Variants in KATNAL1 observed in about 807,000 individuals in gnomAD.
KATNAL1 encodes katanin catalytic subunit A1 like 1.
KATNAL1 carries 32 observed loss-of-function variants against 55.2 expected under a neutral mutation model. The ratio of observed to expected loss-of-function variants is 0.58; its 90% CI spans 0.44 to 0.78. KATNAL1 has a LOEUF of 0.78. Among genes scored for constraint, KATNAL1 ranks in the 30% least tolerant of loss-of-function variants. The pLI, the probability that KATNAL1 is intolerant of heterozygous loss-of-function variation, is 0.00. For synonymous variants in KATNAL1, 193 were observed against 193.6 expected (o/e 1.00, Z 0.02); for missense variants, 466 against 600.9 (o/e 0.78, Z 2.35).
intron 3 of KATNAL1, among the ~76,000 whole-genome samples, chr13:30,257,584 C>T (rs1352161383): frequency 6.6e-6 from 1 of 152,176 alleles, no homozygotes; most frequent in Non-Finnish European, 1.5e-5. Context: ...GCTTTCCCCA[C>T]CTCAGCTTGC....
chr13:30,262,040 A>C (rs1292860880), intron 3 of KATNAL1, among the ~76,000 whole-genome samples: 1 of 152,178 alleles, frequency 6.6e-6, no homozygotes, highest in Non-Finnish European at 1.5e-5. Context: ...AGTGCAATCA[A>C]ACTAGAACTC....
chr13:30,239,254 A>G (rs1566099990), intron 6 of KATNAL1, among the ~76,000 whole-genome samples: 1 of 152,132 alleles, frequency 6.6e-6, no homozygotes, highest in Admixed American at 6.5e-5. Flanking sequence ...TACCAAAAAT[A>G]CAAAAATTAG....
chr13:30,256,796 C>G (rs975319010), intron 3 of KATNAL1, among the ~76,000 whole-genome samples: 1 of 152,090 alleles, frequency 6.6e-6, no homozygotes, highest in Non-Finnish European at 1.5e-5. Flanking sequence ...TCTAGAAGGC[C>G]GGCAAAAACC....
rs1190325272 is a variant in KATNAL1 at position 30,206,603 on chromosome 13, T to A, written c.*1937A>T. On this transcript the variant is annotated 3_prime_UTR_variant, in exon 11 of 11. Coordinates refer to ENST00000380615, the MANE Select transcript of KATNAL1 (RefSeq NM_032116.5). ...ATACAAAACCCAGAAAAGGTCTAAC[T>A]AATCAACTATTGTTAGGCTGGTGCA... 6.6e-6 allele frequency: 1 copy of A among 152,076 alleles called. No individual in the cohort carries two copies. Among genetic ancestry groups the A allele is most frequent in the African/African-American group, 2.4e-5 (1 of 41,446 alleles). The allele number at this position is 152,076 out of a possible 1,614,324, so 9.4% of individuals were successfully genotyped here. A position where few individuals can be genotyped will look rare whatever the true frequency, so the allele number is the denominator to read the frequency against.
In KATNAL1 at chr13:30,283,762, T is replaced by C. The variant is rs1163985113; in HGVS notation, c.16A>G (p.Ile6Val). The change falls in exon 2 of 11, where the codon ATT becomes GTT. Residue 6 changes from isoleucine (I) to valine (V), a missense_variant. Ile to Val is a conservative substitution (Grantham distance 29). Coordinates refer to ENST00000380615, the MANE Select transcript of KATNAL1 (RefSeq NM_032116.5). The part of the protein sequence containing the change: MNLAE[I>V]CDNAKKGREY... ...CTTCCTTTCTTTGCATTATCACAAATCTCAGCCAAATTCATCTTCTTTCAG... is the reference window on the plus strand; with the variant it reads ...CTTCCTTTCTTTGCATTATCACAAACCTCAGCCAAATTCATCTTCTTTCAG... 6.2e-7 allele frequency: 1 copy of C among 1,609,116 alleles called. No individual in the cohort carries two copies. Among genetic ancestry groups the C allele is most frequent in the Non-Finnish European group, 8.5e-7 (1 of 1,177,418 alleles).
intron 2 of KATNAL1, among the ~76,000 whole-genome samples, chr13:30,283,077 G>C (rs1479533874): frequency 6.6e-6 from 1 of 151,554 alleles, no homozygotes. Flanking sequence ...AGACCAGCCT[G>C]GCCAACATGG....
intron 4 of KATNAL1, among the ~76,000 whole-genome samples, chr13:30,252,243 G>A (rs1318909337): frequency 2.0e-5 from 3 of 152,158 alleles, no homozygotes; most frequent in African/African-American, 7.2e-5. Context: ...ACCAATAAAT[G>A]TAAAAAGCTT....
chr13:30,261,380 A>G (rs1436262796), intron 3 of KATNAL1, among the ~76,000 whole-genome samples: 3 of 152,190 alleles, frequency 2.0e-5, no homozygotes, highest in Non-Finnish European at 4.4e-5. Flanking sequence ...ATTAACTTTC[A>G]ATGTAAATGG....
chr13:30,254,289 AT>A (rs1878599674), intron 4 of KATNAL1, among the ~76,000 whole-genome samples: 1 of 152,218 alleles, frequency 6.6e-6, no homozygotes, highest in African/African-American at 2.4e-5. Flanking sequence ...GAGGGAACAA[AT>A]TTTAAAAGTT....
Position 30,206,542 on chromosome 13 carries a change from T to G in KATNAL1, c.*1998A>C, listed in dbSNP as rs1170444672. On this transcript the variant is annotated 3_prime_UTR_variant, in exon 11 of 11. Transcript: ENST00000380615. ...TTACTATGTCATTATCCATGAAGAA[T>G]TCAGAAAAATAATTAAATGCACACC... 1.3e-5 allele frequency: 2 copies of G among 151,984 alleles called. No homozygotes were observed. The highest frequency in any genetic ancestry group is 4.8e-5 in the African/African-American group (2 of 41,392). The allele number at this position is 151,984 out of a possible 1,614,324, so 9.4% of individuals were successfully genotyped here.
intron 3 of KATNAL1, among the ~76,000 whole-genome samples, chr13:30,258,920 T>G (rs1879008125): frequency 6.6e-6 from 1 of 152,252 alleles, no homozygotes; most frequent in African/African-American, 2.4e-5. Flanking sequence ...ACTTTAGAAT[T>G]TTTTAATTAT....
At chr13:30,259,667 T>A (rs77750708) in intron 3 of KATNAL1, among the ~76,000 whole-genome samples, 1 of 152,084 alleles carries the variant, frequency 6.6e-6, no homozygotes, top group African/African-American at 2.4e-5. Flanking sequence ...TTTCTGACGG[T>A]CTTAAAAAAC....
intron 6 of KATNAL1, 105 bp downstream of exon 6, chr13:30,240,355 A>C: frequency 1.3e-6 from 1 of 767,638 alleles, no homozygotes; most frequent in African/African-American, 1.7e-5. Flanking sequence ...ACTTCTCCCA[A>C]CCTTTTCAAA....
chr13:30,251,071 G>C (rs564229362), intron 4 of KATNAL1, among the ~76,000 whole-genome samples: 18 of 147,364 alleles, frequency 1.2e-4, no homozygotes, highest in African/African-American at 4.3e-4. Context: ...CCAGGAGGCA[G>C]AGCTTGCAGC....
At chr13:30,248,634 G>C (rs1315856816) in intron 4 of KATNAL1, among the ~76,000 whole-genome samples, 16 of 152,190 alleles carry the variant, frequency 1.1e-4, no homozygotes, top group Admixed American at 1.0e-3. Context: ...ACCTAAAAAA[G>C]ACTGACAACG....
chr13:30,283,518 T>C (rs1881560483), intron 2 of KATNAL1, 98 bp downstream of exon 2: 2 of 1,057,996 alleles, frequency 1.9e-6, no homozygotes, highest in South Asian at 2.0e-5. Flanking sequence ...AGGCACTATT[T>C]CCATCTCAAA....
Position 30,204,412 on chromosome 13 carries a change from C to G in KATNAL1, c.*4128G>C, listed in dbSNP as rs1872925378. 1 of 147,634 alleles carries G rather than the reference C, an allele frequency of 6.8e-6. No individual in the cohort carries two copies. Among genetic ancestry groups the G allele is most frequent in the Non-Finnish European group, 1.5e-5 (1 of 65,936 alleles). 9.1% of individuals were successfully genotyped at this position (147,634 alleles called of 1,614,324 possible). On this transcript the variant is annotated 3_prime_UTR_variant, in exon 11 of 11. Transcript: ENST00000380615. ...CACAACATGAAATACTTGCCTAGTC[C>G]TTCATTTTATCTCAAGTTAGGGTGG...
chr13:30,257,573 C>T (rs1878897956), intron 3 of KATNAL1, among the ~76,000 whole-genome samples: 1 of 152,162 alleles, frequency 6.6e-6, no homozygotes, highest in African/African-American at 2.4e-5. Flanking sequence ...CCTCAGCTTG[C>T]GCTTTCCCCA....
At chr13:30,274,543 T>C (rs181000949) in intron 3 of KATNAL1, among the ~76,000 whole-genome samples, 1 of 152,220 alleles carries the variant, frequency 6.6e-6, no homozygotes, top group East Asian at 1.9e-4. Context: ...ACAGAAGAAA[T>C]AAAATAATTT....
Sources: allele counts gnomAD v4.1 joint callset (sites outside exome capture counted in the v4.1 genomes callset), GRCh38; gene constraint gnomAD v4.1.1; transcripts MANE v1.5; gene names NCBI Gene and HGNC (gene_info 2026-07-23, HGNC 2026-07-21).